PKN2: variants seen among roughly 807,000 people sequenced by gnomAD.
PKN2 encodes the protein serine/threonine-protein kinase N2.
Under a neutral mutation model 119.1 loss-of-function variants are expected in PKN2, and 38 were observed. The observed-to-expected ratio is 0.32, with a 90% confidence interval of 0.25 to 0.42. The LOEUF (loss-of-function observed/expected upper bound fraction) is 0.42. PKN2 is among the 10% of genes least tolerant of loss of function. The pLI is 1.00. For missense variants in PKN2, 850 were observed against 1,165.1 expected, an observed-to-expected ratio of 0.73 and a Z score of 3.94; for synonymous variants, 390 against 384.9, an observed-to-expected ratio of 1.01 and a Z score of -0.15.
intron 1 of PKN2, among the ~76,000 whole-genome samples, chr1:88,726,387 T>G (rs1466220005): frequency 6.6e-6 from 1 of 152,172 alleles, no homozygotes; most frequent in Non-Finnish European, 1.5e-5. Context: ...GTATAGCTCT[T>G]GAATTTTGTC....
rs183652855 is a variant in PKN2, at chr1:88,701,374, T to C, written c.48+16746T>C. Among the ~76,000 whole-genome samples the C allele has an allele frequency of 3.4e-4, 52 of 152,338 alleles. No homozygotes were observed. The East Asian group carries it at 4.1e-3, about 12-fold the overall frequency. ...TCTTTACAGCTTGAGAGCTATACTT[T>C]TATTAAGCCCTTCTACTAGAGTTAG... On this transcript the variant is annotated intron_variant, in intron 1 of 21. Transcript: ENST00000370521.
chr1:88,687,673 T>G (rs1319871808), intron 1 of PKN2, among the ~76,000 whole-genome samples: 1 of 152,178 alleles, frequency 6.6e-6, no homozygotes, highest in African/African-American at 2.4e-5. Context: ...AATTCCATTC[T>G]CAGCAGATTT....
intron 8 of PKN2, among the ~76,000 whole-genome samples, chr1:88,791,002 T>C (rs1670810909): frequency 6.6e-6 from 1 of 152,188 alleles, no homozygotes; most frequent in African/African-American, 2.4e-5. Context: ...ACTGAGAATA[T>C]CAGTTTTAAA....
chr1:88,832,181 A>G (rs1162995134), intron 19 of PKN2, among the ~76,000 whole-genome samples: 1 of 152,012 alleles, frequency 6.6e-6, no homozygotes, highest in East Asian at 1.9e-4. Flanking sequence ...ATTGTGTTTT[A>G]CCACCATTAA....
At chr1:88,810,126 CT>C (rs988757532) in intron 15 of PKN2, among the ~76,000 whole-genome samples, 59 of 145,532 alleles carry the variant, frequency 4.1e-4, no homozygotes, top group Non-Finnish European at 3.7e-4. Flanking sequence ...TTAAGACTAG[CT>C]TTTTTTTTTT....
At chr1:88,701,345 A>G (rs1372752516) in intron 1 of PKN2, among the ~76,000 whole-genome samples, 1 of 152,082 alleles carries the variant, frequency 6.6e-6, no homozygotes, top group South Asian at 2.1e-4. Flanking sequence ...TCGGGATTGT[A>G]TTTTCTTTAC....
intron 2 of PKN2, among the ~76,000 whole-genome samples, chr1:88,746,659 A>G (rs1668782354): frequency 6.6e-6 from 1 of 152,152 alleles, no homozygotes. Flanking sequence ...TGTTGGTGGT[A>G]TTGTAACATT....
At chr1:88,781,175 C>A in intron 6 of PKN2, 2 of 1,276,672 alleles carry the variant, frequency 1.6e-6, no homozygotes, top group Non-Finnish European at 2.0e-6. Context: ...AGAGCATTTG[C>A]TGTTCTGAAT....
chr1:88,769,452 A>G (rs562192442), intron 3 of PKN2, among the ~76,000 whole-genome samples: 4 of 152,214 alleles, frequency 2.6e-5, no homozygotes, highest in Non-Finnish European at 5.9e-5. Flanking sequence ...TATTGATCAT[A>G]GTAAAGGAAA....
intron 1 of PKN2, among the ~76,000 whole-genome samples, chr1:88,715,702 TG>T (rs1388734138): frequency 3.3e-5 from 5 of 152,308 alleles, no homozygotes. Context: ...TTATTAGTCT[TG>T]CTAGCGGTCC....
chr1:88,784,688 C>G lies in PKN2; in HGVS notation c.1035C>G (p.Val345=), dbSNP rs543180388. ...LMGCQDILEN[V]PGRSKATSVA... is the part of the protein sequence containing the mutation. The stretch of plus-strand genomic sequence containing the variant: ...GCTGCCAAGATATCCTAGAGAATGT[C>G]CCTGGACGGTCAAAAGCAACATCAG... The change falls in exon 7 of 22, where the codon GTC becomes GTG. Residue 345 remains valine (V), a synonymous_variant. Transcript: ENST00000370521. 5 of 1,611,170 alleles carry G rather than the reference C, an allele frequency of 3.1e-6. No individual in the cohort carries two copies. Among genetic ancestry groups the G allele is most frequent in the Non-Finnish European group, 4.2e-6 (5 of 1,178,516 alleles).
At chr1:88,694,807 T>C (rs1666470955) in intron 1 of PKN2, among the ~76,000 whole-genome samples, 1 of 152,222 alleles carries the variant, frequency 6.6e-6, no homozygotes, top group South Asian at 2.1e-4. Flanking sequence ...CTAATAAGTG[T>C]ATCATGGTAT....
chr1:88,756,998 G>C (rs1195027303), intron 2 of PKN2, among the ~76,000 whole-genome samples: 1 of 152,046 alleles, frequency 6.6e-6, no homozygotes, highest in African/African-American at 2.4e-5. Flanking sequence ...CCAAAACTGA[G>C]ACTCAAACCT....
At chr1:88,734,146 G>A (rs57808403) in intron 1 of PKN2, among the ~76,000 whole-genome samples, 2,898 of 149,432 alleles carry the variant, frequency 0.019, 101 homozygotes, top group African/African-American at 0.067. Flanking sequence ...GTAACAGAGT[G>A]AGACCCTATC....
intron 18 of PKN2, among the ~76,000 whole-genome samples, chr1:88,827,144 G>C (rs1023876986): frequency 3.3e-5 from 5 of 151,878 alleles, no homozygotes; most frequent in African/African-American, 9.7e-5. Context: ...TGACACTTAT[G>C]ACAAGTTTTT....
intron 8 of PKN2, among the ~76,000 whole-genome samples, chr1:88,800,123 G>A (rs1671246816): frequency 6.6e-6 from 1 of 152,072 alleles, no homozygotes; most frequent in South Asian, 2.1e-4. Flanking sequence ...TTTCAGCAGT[G>A]GAGCCCAGCT....
At chr1:88,694,642 T>C (rs967421079) in intron 1 of PKN2, among the ~76,000 whole-genome samples, 7 of 152,180 alleles carry the variant, frequency 4.6e-5, no homozygotes, top group African/African-American at 1.7e-4. Context: ...GGGTGTCCAA[T>C]TGTATGGTAA....
chr1:88,807,785 T>C lies in PKN2; in HGVS notation c.2102+10T>C. On this transcript the variant is annotated intron_variant, in intron 15 of 21. Coordinates refer to ENST00000370521, the MANE Select transcript of PKN2 (RefSeq NM_006256.4). The stretch of plus-strand genomic sequence containing the variant: ...GAGATGAAGTAGACAGGTTAGTTTT[T>C]AAAAATGAAATTGTTTATTTTTCTG... 1 of 1,467,234 alleles carries C rather than the reference T, an allele frequency of 6.8e-7. No individual in the cohort carries two copies. Among genetic ancestry groups the C allele is most frequent in the Non-Finnish European group, 9.4e-7 (1 of 1,068,308 alleles). 90.9% of individuals were successfully genotyped at this position (1,467,234 alleles called of 1,614,324 possible).
intron 1 of PKN2, among the ~76,000 whole-genome samples, chr1:88,714,423 G>A (rs1302158377): frequency 2.0e-5 from 3 of 152,160 alleles, no homozygotes; most frequent in South Asian, 2.1e-4. Flanking sequence ...AGCATGGAAC[G>A]TTCTTCCATT....
Sources: gnomAD v4.1 joint callset for allele counts (sites outside exome capture counted in the v4.1 genomes callset) on GRCh38, gnomAD v4.1.1 for gene constraint, MANE v1.5 for transcripts, NCBI Gene and HGNC (gene_info 2026-07-23, HGNC 2026-07-21) for gene names.